The following RHOBTB2 variants were observed in gnomAD, a reference collection of about 807,000 sequenced individuals.
RHOBTB2 encodes Rho related BTB domain containing 2.
RHOBTB2 carries 39 observed loss-of-function variants against 66.5 expected under a neutral mutation model. That is an observed-to-expected ratio of 0.59 (90% CI 0.45 to 0.77). The LOEUF is 0.77. Ranked by LOEUF, RHOBTB2 falls within the 30% of genes least tolerant of loss-of-function variation. The pLI is 0.00. For synonymous variants in RHOBTB2, 390 were observed against 395.0 expected, an observed-to-expected ratio of 0.99 and a Z score of 0.15; for missense variants, 755 against 999.1, an observed-to-expected ratio of 0.76 and a Z score of 3.29.
the RHOBTB2 span, among the ~76,000 whole-genome samples, chr8:22,975,141 C>A: frequency 6.6e-6 from 1 of 152,088 alleles, no homozygotes; most frequent in African/African-American, 2.4e-5. Flanking sequence ...GTCCCCCTGG[C>A]GCATCACATG....
the RHOBTB2 span, among the ~76,000 whole-genome samples, chr8:22,982,316 C>T: frequency 6.6e-6 from 1 of 152,164 alleles, no homozygotes; most frequent in African/African-American, 2.4e-5. Flanking sequence ...CTTCTTGCCA[C>T]TCCTCATTCT....
chr8:23,007,270 C>T lies in RHOBTB2; in HGVS notation c.1025C>T (p.Ala342Val), dbSNP rs1810994254. 6.2e-6 allele frequency: 10 copies of T among 1,613,256 alleles called. No homozygotes were observed. Among genetic ancestry groups the T allele is most frequent in the Non-Finnish European group, 8.5e-6 (10 of 1,179,974 alleles). Residue 342 changes from alanine to valine, a missense_variant, in exon 5 of 10, where the codon GCA (alanine) becomes GTA (valine). Coordinates refer to ENST00000251822, the MANE Select transcript of RHOBTB2 (RefSeq NM_015178.3). ...CATGGGCGAGACTTCCTGCTCCGAG[C>T]AGCCAGCTTTGACGTGTGCGAGAGC... ...HHHGRDFLLR[A>V]ASFDVCESVD...
chr8:22,954,307 G>GT, the RHOBTB2 span, among the ~76,000 whole-genome samples: 112 of 152,076 alleles, frequency 7.4e-4, 1 homozygote, highest in African/African-American at 2.5e-3. Flanking sequence ...CACCAGACAG[G>GT]TTTTTTTTGT....
At chr8:22,964,791 T>TATTTATTC in the RHOBTB2 span, among the ~76,000 whole-genome samples, 1 of 49,890 alleles carries the variant, frequency 2.0e-5, no homozygotes, top group Admixed American at 2.1e-4. Context: ...TTATTTTATT[T>TATTTATTC]ATTTATTTAT....
chr8:22,953,578 G>A, the RHOBTB2 span, among the ~76,000 whole-genome samples: 1 of 152,168 alleles, frequency 6.6e-6, no homozygotes, highest in Non-Finnish European at 1.5e-5. Flanking sequence ...TCAGTGTAGG[G>A]CCCATGTGGT....
At chr8:22,965,536 A>G in the RHOBTB2 span, among the ~76,000 whole-genome samples, 1 of 152,222 alleles carries the variant, frequency 6.6e-6, no homozygotes, top group Non-Finnish European at 1.5e-5. Flanking sequence ...TAAAATTACT[A>G]AAAAGCTACA....
intron 1 of RHOBTB2, among the ~76,000 whole-genome samples, chr8:23,000,333 C>G (rs751130876): frequency 8.5e-5 from 13 of 152,198 alleles, no homozygotes; most frequent in Non-Finnish European, 1.6e-4. Flanking sequence ...TGCCCCTCCC[C>G]CTTCTCGATG....
the RHOBTB2 span, among the ~76,000 whole-genome samples, chr8:22,965,305 T>C: frequency 1.3e-5 from 2 of 152,200 alleles, no homozygotes; most frequent in Admixed American, 1.3e-4. Flanking sequence ...TGGAAAGACA[T>C]CTTTTGTTCA....
chr8:22,987,171 G>A (rs375708393), upstream of RHOBTB2, among the ~76,000 whole-genome samples: 3 of 152,368 alleles, frequency 2.0e-5, no homozygotes, highest in East Asian at 3.9e-4. Flanking sequence ...AACAGGCCAG[G>A]ACAATAAGAG....
chr8:22,960,146 G>C, the RHOBTB2 span, among the ~76,000 whole-genome samples: 2 of 150,532 alleles, frequency 1.3e-5, no homozygotes, highest in African/African-American at 4.9e-5. Context: ...TCACGGCACT[G>C]TACTCTAGCC....
intron 9 of RHOBTB2, among the ~76,000 whole-genome samples, chr8:23,016,552 C>G (rs1811297102): frequency 6.6e-6 from 1 of 152,110 alleles, no homozygotes. Context: ...GCTGGGATTA[C>G]AGGTACCCAC....
chr8:23,003,276 C>T (rs1406484956), intron 1 of RHOBTB2, among the ~76,000 whole-genome samples: 1 of 152,236 alleles, frequency 6.6e-6, no homozygotes, highest in Non-Finnish European at 1.5e-5. Context: ...TTTTTAAACA[C>T]GAACATGACA....
At chr8:22,981,726 C>G in the RHOBTB2 span, among the ~76,000 whole-genome samples, 1 of 152,150 alleles carries the variant, frequency 6.6e-6, no homozygotes, top group Non-Finnish European at 1.5e-5. Context: ...GCCCCTGAAG[C>G]AACTCAGTGT....
chr8:22,976,958 A>G, the RHOBTB2 span, among the ~76,000 whole-genome samples: 1 of 152,018 alleles, frequency 6.6e-6, no homozygotes, highest in East Asian at 1.9e-4. Flanking sequence ...TATACATATC[A>G]AGATGCAAGC....
chr8:22,984,573 G>T (rs1810260352), upstream of RHOBTB2: 1 of 152,158 alleles, frequency 6.6e-6, no homozygotes, highest in African/African-American at 2.4e-5. Context: ...AGCTGGACTT[G>T]GGATTCCAGA....
chr8:23,014,614 G>A (rs1182513055), intron 7 of RHOBTB2, 76 bp from the exon 8 acceptor site: 2 of 1,343,912 alleles, frequency 1.5e-6, no homozygotes, highest in African/African-American at 1.4e-5. Flanking sequence ...CCTGAAGTGA[G>A]CTGGGGGATG....
chr8:22,955,553 A>G, the RHOBTB2 span, among the ~76,000 whole-genome samples: 2 of 148,286 alleles, frequency 1.3e-5, no homozygotes, highest in Non-Finnish European at 3.0e-5. Context: ...CCATCAATTC[A>G]TTCAATAAAT....
chr8:22,992,825 C>G lies in RHOBTB2; in HGVS notation c.-24+645C>G, dbSNP rs28585074. On this transcript the variant is annotated intron_variant, in intron 2 of 11. Coordinates refer to the RHOBTB2 transcript ENST00000519685. ...AGATGCAATAAATGTTTCATGGAGG[C>G]CTTGGCCAGCTGTGACTTCCTGGGA... Among the ~76,000 whole-genome samples, 1,120 of 152,318 alleles carry G rather than the reference C, an allele frequency of 7.4e-3. 11 individuals are homozygous for G. The highest frequency in any genetic ancestry group is 0.025 in the African/African-American group (1,059 of 41,564).
chr8:22,969,904 A>T, the RHOBTB2 span, among the ~76,000 whole-genome samples: 1 of 152,098 alleles, frequency 6.6e-6, no homozygotes, highest in East Asian at 1.9e-4. Flanking sequence ...GGCATGTGTC[A>T]CTATGCCCAG....
Sources: allele counts gnomAD v4.1 joint callset (sites outside exome capture counted in the v4.1 genomes callset), GRCh38; gene constraint gnomAD v4.1.1; transcripts MANE v1.5; gene names NCBI Gene and HGNC (gene_info 2026-07-23, HGNC 2026-07-21).